The following WDR62 variants were observed in gnomAD, a reference collection of about 807,000 sequenced individuals.
WDR62 encodes WD repeat-containing protein 62.
In WDR62, 112 loss-of-function variants were observed where a neutral mutation model predicts 160.6. The observed-to-expected ratio is 0.70, with a 90% CI of 0.60 to 0.82. The LOEUF (loss-of-function observed/expected upper bound fraction) is 0.82. WDR62 is among the 40% of genes least tolerant of loss of function. The pLI, the probability that WDR62 is intolerant of heterozygous loss-of-function variation, is 0.00. For synonymous variants in WDR62, 792 were observed against 815.1 expected (o/e 0.97, Z 0.48); for missense variants, 1,819 against 1,983.8 (o/e 0.92, Z 1.58).
intron 18 of WDR62, among the ~76,000 whole-genome samples, chr19:36,092,033 G>A (rs908804078): frequency 1.5e-4 from 23 of 152,148 alleles, no homozygotes; most frequent in Admixed American, 5.9e-4. Flanking sequence ...TGATGAGGCC[G>A]GGCGCAGTGG....
chr19:36,068,992 A>C (rs1437570985), intron 7 of WDR62, among the ~76,000 whole-genome samples: 3 of 131,920 alleles, frequency 2.3e-5, no homozygotes, highest in Non-Finnish European at 3.2e-5. Flanking sequence ...GCGGACCCCC[A>C]CCTCCCTCCC....
At chr19:36,098,457 G>A (rs1973110335) in intron 21 of WDR62, among the ~76,000 whole-genome samples, 1 of 151,352 alleles carries the variant, frequency 6.6e-6, no homozygotes, top group African/African-American at 2.4e-5. Flanking sequence ...CCCAACTACT[G>A]GTAAGGCTGA....
chr19:36,109,542 T>C (rs1212696071), downstream of WDR62, among the ~76,000 whole-genome samples: 1 of 151,890 alleles, frequency 6.6e-6, no homozygotes, highest in Admixed American at 6.6e-5. Context: ...GAGACCAGCC[T>C]GCCCAACATG....
chr19:36,086,639 G>T, intron 12 of WDR62, 48 bp from the exon 13 acceptor site: 1 of 1,568,654 alleles, frequency 6.4e-7, no homozygotes. Flanking sequence ...GGGAGGCCAG[G>T]GCACCCACGC....
intron 8 of WDR62, 79 bp downstream of exon 8, chr19:36,071,795 CATCT>C (rs1482670271): frequency 1.8e-5 from 28 of 1,521,346 alleles, no homozygotes; most frequent in Non-Finnish European, 2.2e-5. Context: ...CTTCCAGATC[CATCT>C]ATCTGTCTGT....
At chr19:36,092,862 C>G (rs1355104568) in intron 19 of WDR62, 51 bp downstream of exon 19, 2 of 1,612,370 alleles carry the variant, frequency 1.2e-6, no homozygotes, top group African/African-American at 2.7e-5. Flanking sequence ...CTGCCAGGGC[C>G]CCATGGAGTG....
rs1971303314 is a variant in WDR62 at position 36,071,607 on chromosome 19, T to C, written c.934T>C (p.Cys312Arg). ...CVSQELIFCG[C>R]TDGIVRIFQA... ...CAGCCAGGAGCTCATCTTCTGTGGC[T>C]GCACAGATGGGATAGTCCGCATCTT... The change falls in exon 8 of 32, where the codon TGC becomes CGC. Residue 312 changes from cysteine (C) to arginine (R), a missense_variant. Cys to Arg is a radical substitution (Grantham distance 180, BLOSUM62 -3). This residue lies in a region of WDR62 where 934 missense variants were observed against 1,157.2 expected (regional missense o/e 0.81). Coordinates refer to ENST00000401500, the MANE Select transcript of WDR62 (RefSeq NM_001083961.2). 6.2e-7 allele frequency: 1 copy of C among 1,614,144 alleles called. No individual in the cohort carries two copies. Among genetic ancestry groups the C allele is most frequent in the South Asian group, 1.1e-5 (1 of 91,096 alleles).
At position 36,054,987 on chromosome 19, in the gene WDR62, T is replaced by G. The variant is rs573013010; in HGVS notation, c.16T>G (p.Ser6Ala). MAAVG[S>A]GGYARNDAGE... ...CGGCGTGACGATGGCGGCCGTAGGG[T>G]CCGGAGGCTATGCGCGGAACGATGC... is the stretch of plus-strand genomic sequence containing the variant. The change falls in exon 1 of 32, where the codon TCC (serine) becomes GCC (alanine). Residue 6 changes from serine to alanine, a missense_variant. Ser to Ala is a moderately conservative substitution (Grantham distance 99). Transcript: ENST00000401500. The G allele has an allele frequency of 3.2e-5, 51 of 1,603,934 alleles. No individual in the cohort carries two copies. In the African/African-American group the frequency reaches 6.0e-4, roughly 19 times the overall value.
intron 29 of WDR62, 41 bp downstream of exon 29, chr19:36,103,248 G>A (rs752007410): frequency 1.9e-5 from 30 of 1,612,028 alleles, no homozygotes; most frequent in South Asian, 8.8e-5. Context: ...TGGGTTTCTC[G>A]GCGAGTGGCC....
intron 5 of WDR62, 80 bp from the exon 6 acceptor site, chr19:36,067,226 A>C: frequency 1.3e-6 from 2 of 1,591,448 alleles, no homozygotes; most frequent in Non-Finnish European, 1.7e-6. Flanking sequence ...ACGAGCAGGG[A>C]GTTCCAGCCT....
intron 16 of WDR62, among the ~76,000 whole-genome samples, 157 bp from the exon 17 acceptor site, chr19:36,091,043 G>A (rs1319143154): frequency 6.6e-6 from 1 of 152,278 alleles, no homozygotes; most frequent in Non-Finnish European, 1.5e-5. Context: ...CTGCTGCGGT[G>A]GTTGTTAATT....
At chr19:36,094,371 T>C (rs1972826800) in intron 20 of WDR62, among the ~76,000 whole-genome samples, 1 of 151,680 alleles carries the variant, frequency 6.6e-6, no homozygotes, top group Non-Finnish European at 1.5e-5. Context: ...CTGACCAATA[T>C]GGTGAAACCC....
rs745517820 is a variant in WDR62, at chr19:36,103,424, C to G, written c.3596C>G (p.Ser1199Cys). Residue 1199 changes from serine to cysteine, a missense_variant, in exon 30 of 32, where the codon TCT (serine) becomes TGT (cysteine). By Grantham distance (112) the Ser-to-Cys change is moderately radical (BLOSUM62 -1). This residue lies in a region of WDR62 where 770 missense variants were observed against 734.2 expected (regional missense o/e 1.05). Transcript: ENST00000401500. ...PTDRNLPTPT[S>C]APTPGLAQGV... ...GACAGGAATCTCCCAACGCCCACAT[C>G]TGCACCCACCCCAGGCCTGGCTCAG... is the stretch of plus-strand genomic sequence containing the variant. The G allele has an allele frequency of 2.6e-5, 42 of 1,614,148 alleles. 1 individual carries two copies. The South Asian group carries it at 4.4e-4, about 17-fold the overall frequency.
intron 4 of WDR62, 102 bp from the exon 5 acceptor site, chr19:36,066,155 G>A (rs1970926278): frequency 6.3e-7 from 1 of 1,588,490 alleles, no homozygotes. Context: ...GGGGGAGGTG[G>A]CTTTTGGGCA....
chr19:36,063,136 G>A (rs1970749290), intron 3 of WDR62, among the ~76,000 whole-genome samples: 1 of 152,130 alleles, frequency 6.6e-6, no homozygotes, highest in African/African-American at 2.4e-5. Context: ...GTAGAGCTGG[G>A]GTTTCCCCAT....
chr19:36,091,787 G>A (rs1253647746), intron 18 of WDR62, among the ~76,000 whole-genome samples: 1 of 152,002 alleles, frequency 6.6e-6, no homozygotes, highest in African/African-American at 2.4e-5. Context: ...TACTCAGGAG[G>A]GGGAAGATGG....
rs537324644 is a variant in WDR62 at position 36,059,364 on chromosome 19, T to A, written c.269+493T>A. Among the ~76,000 whole-genome samples, 44 of 152,326 alleles carry A rather than the reference T, an allele frequency of 2.9e-4. 1 individual carries two copies. The highest frequency in any genetic ancestry group is 4.4e-5 in the Non-Finnish European group (3 of 68,026). Reference sequence around the variant, plus strand: ...CTGGGTTTGTTTCCTTATCTATAAATGGGCCTAAATAGTCGTGACCTGACC... The same window carrying A: ...CTGGGTTTGTTTCCTTATCTATAAAAGGGCCTAAATAGTCGTGACCTGACC... On this transcript the variant is annotated intron_variant, in intron 2 of 31. Coordinates refer to ENST00000401500, the MANE Select transcript of WDR62 (RefSeq NM_001083961.2).
At chr19:36,062,649 C>G (rs1014566737) in intron 3 of WDR62, 1 of 39,478 alleles carries the variant, frequency 2.5e-5, no homozygotes, top group African/African-American at 1.2e-4. Context: ...GAGTCCGTCT[C>G]AAAAAAAAAA....
rs776807457 is a variant in WDR62 at position 36,059,989 on chromosome 19, C to T, written c.291C>T (p.Asp97=). ...CCAGCTGTGTGGTGGTGATTTTGGACCCCAAGGAGAACAAGCAGCAGCACA... is the reference window on the plus strand; with the variant it reads ...CCAGCTGTGTGGTGGTGATTTTGGATCCCAAGGAGAACAAGCAGCAGCACA... ...YLAGCVVVIL[D]PKENKQQHIF... is the part of the protein sequence containing the mutation. The change falls in exon 3 of 32, where the codon GAC becomes GAT. Residue 97 remains aspartate, a synonymous_variant. Transcript: ENST00000401500. 4.3e-6 allele frequency: 7 copies of T among 1,614,146 alleles called. No individual in the cohort carries two copies. The highest frequency in any genetic ancestry group is 4.5e-5 in the East Asian group (2 of 44,876).
Sources: allele counts gnomAD v4.1 joint callset (sites outside exome capture counted in the v4.1 genomes callset), GRCh38; gene constraint gnomAD v4.1.1; regional missense constraint gnomAD v4.1.1; transcripts MANE v1.5; gene names NCBI Gene and HGNC (gene_info 2026-07-23, HGNC 2026-07-21).